PACRG: variants seen among roughly 807,000 people sequenced by gnomAD.
PACRG encodes parkin coregulated.
A neutral mutation model predicts 29.7 loss-of-function variants in PACRG; 29 were observed. The observed-to-expected ratio is 0.98, with a 90% CI of 0.73 to 1.33. The LOEUF (loss-of-function observed/expected upper bound fraction) is 1.33, where lower values mean the gene tolerates loss of function less well. Among genes scored for constraint, PACRG ranks in the 40% most tolerant of loss-of-function variants. The pLI is 0.00. For missense variants in PACRG, 279 were observed against 316.2 expected (o/e 0.88, Z 0.89); for synonymous variants, 116 against 118.7 (o/e 0.98, Z 0.15).
chr6:162,760,332 T>G (rs193028013), intron 1 of PACRG, among the ~76,000 whole-genome samples: 159 of 152,342 alleles, frequency 1.0e-3, no homozygotes, highest in African/African-American at 3.7e-3. Context: ...TGTGGACTAC[T>G]GCAGATGGAG....
intron 4 of PACRG, among the ~76,000 whole-genome samples, chr6:163,198,666 C>T (rs1018684220): frequency 2.0e-5 from 3 of 152,014 alleles, no homozygotes; most frequent in Non-Finnish European, 4.4e-5. Context: ...AGCATCTGCC[C>T]CGGTGTTTGA....
chr6:162,776,776 C>A (rs1235893447), intron 1 of PACRG, among the ~76,000 whole-genome samples: 1 of 152,208 alleles, frequency 6.6e-6, no homozygotes, highest in Non-Finnish European at 1.5e-5. Context: ...CACTGTTTTT[C>A]TCTTTACTAA....
At chr6:162,842,156 A>T (rs377016747) in intron 2 of PACRG, among the ~76,000 whole-genome samples, 11,105 of 149,252 alleles carry the variant, frequency 0.074, 707 homozygotes, top group South Asian at 0.23. Flanking sequence ...ATCCTTGTTG[A>T]CTTTCTATCT....
intron 3 of PACRG, among the ~76,000 whole-genome samples, chr6:163,068,185 T>C (rs904142286): frequency 1.3e-5 from 2 of 152,216 alleles, no homozygotes; most frequent in East Asian, 3.8e-4. Flanking sequence ...TCATCACTGT[T>C]AGAGTTTGCA....
chr6:162,938,614 C>A (rs139628186), intron 2 of PACRG, among the ~76,000 whole-genome samples: 1 of 152,168 alleles, frequency 6.6e-6, no homozygotes, highest in Non-Finnish European at 1.5e-5. Flanking sequence ...TACACTCCCA[C>A]CAGCAGTGTA....
Position 163,290,269 on chromosome 6 carries a change from C to G in PACRG, c.614-24558C>G, listed in dbSNP as rs985553949. Among the ~76,000 whole-genome samples, 4 of 98,286 alleles carry G rather than the reference C, an allele frequency of 4.1e-5. No homozygotes were observed. The South Asian group carries it at 1.4e-3, about 34-fold the overall frequency. The allele number at this position is 98,286 out of a possible 152,430, so 64.5% of individuals were successfully genotyped here. A position where few individuals can be genotyped will look rare whatever the true frequency, so the allele number is the denominator to read the frequency against. Reference sequence around the variant, plus strand: ...TCATACGCACATGTGCGCATGCACGCGCGCGCGCGCACACACACACACACA... The same window carrying G: ...TCATACGCACATGTGCGCATGCACGGGCGCGCGCGCACACACACACACACA... On this transcript the variant is annotated intron_variant, in intron 4 of 4. Transcript: ENST00000366888.
At chr6:163,188,731 A>G (rs961633954) in intron 4 of PACRG, among the ~76,000 whole-genome samples, 5 of 152,310 alleles carry the variant, frequency 3.3e-5, no homozygotes, top group Admixed American at 2.6e-4. Context: ...AGTAGTTACA[A>G]TTGCAGTTTA....
chr6:163,144,331 C>T (rs1777700612), intron 4 of PACRG, among the ~76,000 whole-genome samples: 1 of 111,196 alleles, frequency 9.0e-6, no homozygotes, highest in African/African-American at 4.1e-5. Context: ...AAGCAACACA[C>T]ATACACACAC....
chr6:162,757,505 C>A (rs982105618), intron 1 of PACRG, among the ~76,000 whole-genome samples: 1 of 152,032 alleles, frequency 6.6e-6, no homozygotes, highest in East Asian at 1.9e-4. Flanking sequence ...GTCAGGAGTT[C>A]GAGACCAGCC....
chr6:163,126,703 ATATT>A (rs1230350796), intron 4 of PACRG, among the ~76,000 whole-genome samples: 1 of 152,248 alleles, frequency 6.6e-6, no homozygotes, highest in African/African-American at 2.4e-5. Context: ...AAGAGTGAAT[ATATT>A]TAGATTTTTA....
intron 2 of PACRG, among the ~76,000 whole-genome samples, chr6:162,852,636 C>T (rs1193727794): frequency 6.6e-6 from 1 of 152,196 alleles, no homozygotes; most frequent in Non-Finnish European, 1.5e-5. Context: ...TTGGTCCATA[C>T]ATGTGGCTGA....
intron 4 of PACRG, among the ~76,000 whole-genome samples, chr6:163,175,744 AAGGAGG>A (rs3061922): frequency 9.9e-4 from 136 of 136,914 alleles, no homozygotes; most frequent in African/African-American, 3.1e-3. Flanking sequence ...GCACCTGTCA[AAGGAGG>A]AGGAGGAGGA....
chr6:162,773,106 G>A (rs1057042716), intron 1 of PACRG, among the ~76,000 whole-genome samples: 2 of 152,156 alleles, frequency 1.3e-5, no homozygotes, highest in African/African-American at 4.8e-5. Context: ...TACTGGAATA[G>A]GTTTAAGAGG....
chr6:163,179,687 C>T (rs1779558503), intron 4 of PACRG, among the ~76,000 whole-genome samples: 1 of 142,556 alleles, frequency 7.0e-6, no homozygotes. Context: ...CCAGCCGGAG[C>T]AAGAGAGCAA....
intron 2 of PACRG, among the ~76,000 whole-genome samples, chr6:162,967,618 TG>T (rs1801154181): frequency 6.6e-6 from 1 of 151,928 alleles, no homozygotes; most frequent in Non-Finnish European, 1.5e-5. Flanking sequence ...GCCATTCTCC[TG>T]CCTCAGCCTC....
At chr6:163,155,148 A>G (rs1356359789) in intron 4 of PACRG, among the ~76,000 whole-genome samples, 1 of 152,116 alleles carries the variant, frequency 6.6e-6, no homozygotes, top group Non-Finnish European at 1.5e-5. Flanking sequence ...TGCTTTCCTA[A>G]CGTGACTGGG....
Position 163,148,960 on chromosome 6 carries a change from G to C in PACRG, c.613+59552G>C, listed in dbSNP as rs533707313. 4.3e-5 allele frequency among the ~76,000 whole-genome samples: 3 copies of C among 69,688 alleles called. No individual in the cohort carries two copies. The East Asian group carries it at 1.5e-3, about 36-fold the overall frequency. The allele number at this position is 69,688 out of a possible 152,430, so 45.7% of individuals were successfully genotyped here. A position where few individuals can be genotyped will look rare whatever the true frequency, so the allele number is the denominator to read the frequency against. ...ATGAGGGTTTTGTGAAAAATCTATG[G>C]CGGGGGGGGGGGGGGGGGGGGTGGA... is the stretch of plus-strand genomic sequence containing the variant. On this transcript the variant is annotated intron_variant, in intron 4 of 4. Transcript: ENST00000366888.
At chr6:162,914,230 GTATGTGT>G (rs1796524444) in intron 2 of PACRG, among the ~76,000 whole-genome samples, 1 of 152,044 alleles carries the variant, frequency 6.6e-6, no homozygotes, top group African/African-American at 2.4e-5. Flanking sequence ...GTTAGTTTGT[GTATGTGT>G]TATGAGGTAT....
chr6:162,877,197 A>G (rs1023995891), intron 2 of PACRG, among the ~76,000 whole-genome samples: 8 of 152,218 alleles, frequency 5.3e-5, no homozygotes, highest in Non-Finnish European at 1.2e-4. Flanking sequence ...ACTGCCCATC[A>G]GCGATAGACT....
Sources: gnomAD v4.1 joint callset for allele counts (sites outside exome capture counted in the v4.1 genomes callset) on GRCh38, gnomAD v4.1.1 for gene constraint, MANE v1.5 for transcripts, NCBI Gene and HGNC (gene_info 2026-07-23, HGNC 2026-07-21) for gene names.